ARHGEF26: variants seen among roughly 807,000 people sequenced by gnomAD.
ARHGEF26 encodes Rho guanine nucleotide exchange factor 26.
ARHGEF26 carries 59 observed loss-of-function variants against 89.4 expected under a neutral mutation model. That is an observed-to-expected ratio of 0.66 (90% CI 0.54 to 0.82). The LOEUF (loss-of-function observed/expected upper bound fraction) is 0.82. Ranked by LOEUF, ARHGEF26 falls within the 40% of genes least tolerant of loss-of-function variation. The pLI, the probability that ARHGEF26 is intolerant of heterozygous loss-of-function variation, is 0.00. For missense variants in ARHGEF26, 1,234 were observed against 1,085.6 expected (o/e 1.14, Z -1.92); for synonymous variants, 500 against 428.4 (o/e 1.17, Z -2.06).
At chr3:154,235,190 GT>G (rs1291169593) in intron 11 of ARHGEF26, among the ~76,000 whole-genome samples, 1 of 151,916 alleles carries the variant, frequency 6.6e-6, no homozygotes, top group African/African-American at 2.4e-5. Context: ...ACTGGGTTGT[GT>G]TTAAATTATG....
chr3:154,127,861 A>T (rs1273890387), intron 3 of ARHGEF26, among the ~76,000 whole-genome samples: 1 of 152,200 alleles, frequency 6.6e-6, no homozygotes, highest in Non-Finnish European at 1.5e-5. Flanking sequence ...TAGCTCCTTT[A>T]TAACATATGG....
intron 4 of ARHGEF26, among the ~76,000 whole-genome samples, chr3:154,137,392 G>A (rs1361917430): frequency 6.6e-6 from 1 of 152,130 alleles, no homozygotes. Flanking sequence ...TAGCCCCTCA[G>A]CCTGGAACTT....
rs1395142467 is a variant in ARHGEF26, at chr3:154,217,031, G to A, written c.1846-838G>A. Reference sequence around the variant, plus strand: ...TGTCTTTATAGCAGCATGATTTATAGTCCTTTGGGTATATACCCAGTAATG... The same window carrying A: ...TGTCTTTATAGCAGCATGATTTATAATCCTTTGGGTATATACCCAGTAATG... On this transcript the variant is annotated intron_variant, in intron 9 of 14. Transcript: ENST00000465093. Among the ~76,000 whole-genome samples, 677 of 147,282 alleles carry A rather than the reference G, an allele frequency of 4.6e-3. 4 individuals are homozygous for A. Among genetic ancestry groups the A allele is most frequent in the Non-Finnish European group, 7.7e-3 (515 of 66,968 alleles).
chr3:154,126,624 A>G (rs1452908795), intron 3 of ARHGEF26, among the ~76,000 whole-genome samples: 2 of 152,130 alleles, frequency 1.3e-5, no homozygotes, highest in East Asian at 1.9e-4. Flanking sequence ...AAGAAACTCA[A>G]TCCTTTTGTA....
At chr3:154,248,927 T>C (rs1717950897) in intron 12 of ARHGEF26, among the ~76,000 whole-genome samples, 1 of 152,218 alleles carries the variant, frequency 6.6e-6, no homozygotes, top group Non-Finnish European at 1.5e-5. Flanking sequence ...TTTTCTGAAC[T>C]AATCTAGTTG....
intron 12 of ARHGEF26, among the ~76,000 whole-genome samples, chr3:154,242,445 C>A (rs968945150): frequency 6.6e-6 from 1 of 152,130 alleles, no homozygotes; most frequent in Admixed American, 6.5e-5. Flanking sequence ...AGCGAGAGAA[C>A]TAGATTTAGA....
rs1714667459 is a variant in ARHGEF26, at chr3:154,201,902, T to G, written c.1845+7184T>G. Among the ~76,000 whole-genome samples, 3 of 151,610 alleles carry G rather than the reference T, an allele frequency of 2.0e-5. No individual in the cohort carries two copies. The South Asian group carries it at 6.2e-4, about 32-fold the overall frequency. Reference sequence around the variant, plus strand: ...TGAGTTCATTGTAGATTCTGGATATTAGCCCTTTGTCAGATGAGTAGGTTG... The same window carrying G: ...TGAGTTCATTGTAGATTCTGGATATGAGCCCTTTGTCAGATGAGTAGGTTG... On this transcript the variant is annotated intron_variant, in intron 9 of 14. Coordinates refer to ENST00000465093, the MANE Select transcript of ARHGEF26 (RefSeq NM_015595.4).
chr3:154,218,029 C>A, intron 10 of ARHGEF26, 71 bp downstream of exon 10: 1 of 1,323,266 alleles, frequency 7.6e-7, no homozygotes, highest in Non-Finnish European at 1.1e-6. Flanking sequence ...CAGTTGAGGG[C>A]AACAAAGTAG....
chr3:154,150,366 C>T (rs540581611), intron 5 of ARHGEF26, among the ~76,000 whole-genome samples: 2 of 152,146 alleles, frequency 1.3e-5, no homozygotes, highest in South Asian at 2.1e-4. Flanking sequence ...TTCCTTTCCT[C>T]CCCAGAGACA....
At chr3:154,129,804 T>C in intron 4 of ARHGEF26, 85 bp downstream of exon 4, 1 of 1,431,372 alleles carries the variant, frequency 7.0e-7, no homozygotes, top group Non-Finnish European at 9.4e-7. Flanking sequence ...TGTTCTTTTC[T>C]GCCAGTGATC....
At chr3:154,234,628 C>T (rs946673866) in intron 11 of ARHGEF26, among the ~76,000 whole-genome samples, 10 of 152,142 alleles carry the variant, frequency 6.6e-5, no homozygotes, top group East Asian at 1.9e-4. Flanking sequence ...GAAATGTCAC[C>T]TCTATATCCC....
intron 4 of ARHGEF26, among the ~76,000 whole-genome samples, chr3:154,142,455 T>G (rs1719442776): frequency 6.6e-6 from 1 of 152,180 alleles, no homozygotes; most frequent in Non-Finnish European, 1.5e-5. Context: ...AGGTAATTCC[T>G]GTCCAAAGAA....
At chr3:154,151,204 G>A (rs1719996502) in intron 5 of ARHGEF26, among the ~76,000 whole-genome samples, 1 of 152,110 alleles carries the variant, frequency 6.6e-6, no homozygotes, top group African/African-American at 2.4e-5. Context: ...AAGGAATCAA[G>A]ACAAAAGCCA....
intron 4 of ARHGEF26, among the ~76,000 whole-genome samples, chr3:154,138,820 G>T (rs963960807): frequency 1.3e-5 from 2 of 152,178 alleles, no homozygotes; most frequent in African/African-American, 4.8e-5. Flanking sequence ...TCTGTCTATG[G>T]CAGGCCCTGG....
At chr3:154,196,979 A>G (rs891652408) in intron 9 of ARHGEF26, among the ~76,000 whole-genome samples, 1 of 152,172 alleles carries the variant, frequency 6.6e-6, no homozygotes, top group Non-Finnish European at 1.5e-5. Flanking sequence ...ATTTTTTTCA[A>G]GAATTTTACA....
rs960881089 is a variant in ARHGEF26 at position 154,256,900 on chromosome 3, G to A, written c.*1427G>A. On this transcript the variant is annotated 3_prime_UTR_variant, in exon 15 of 15. Coordinates refer to ENST00000465093, the MANE Select transcript of ARHGEF26 (RefSeq NM_015595.4). ...AGAGAGAAAGGTTATCTTAATAGTC[G>A]GTTTCATGGAGATGAAGGATGGGAG... The A allele has an allele frequency of 5.2e-6, 8 of 1,534,662 alleles. No individual in the cohort carries two copies. The highest frequency in any genetic ancestry group is 4.1e-5 in the African/African-American group (3 of 72,916).
intron 11 of ARHGEF26, among the ~76,000 whole-genome samples, chr3:154,234,851 C>T (rs570355052): frequency 1.2e-3 from 189 of 152,128 alleles, no homozygotes; most frequent in African/African-American, 4.2e-3. Context: ...CTGCAAGGTC[C>T]GCCTCTCAGG....
intron 3 of ARHGEF26, among the ~76,000 whole-genome samples, chr3:154,126,706 C>T (rs972702349): frequency 6.6e-6 from 1 of 152,192 alleles, no homozygotes; most frequent in Non-Finnish European, 1.5e-5. Flanking sequence ...GCTCATGTCT[C>T]TAAACTCACC....
intron 10 of ARHGEF26, among the ~76,000 whole-genome samples, chr3:154,225,194 A>G (rs1363915401): frequency 6.6e-6 from 1 of 152,176 alleles, no homozygotes; most frequent in Non-Finnish European, 1.5e-5. Context: ...TGATATTATA[A>G]TGATTATGAT....
Sources: allele counts gnomAD v4.1 joint callset (sites outside exome capture counted in the v4.1 genomes callset), GRCh38; gene constraint gnomAD v4.1.1; transcripts MANE v1.5; gene names NCBI Gene and HGNC (gene_info 2026-07-23, HGNC 2026-07-21).